The following PTPRT variants were observed in gnomAD, a reference collection of about 807,000 sequenced individuals.
PTPRT encodes protein tyrosine phosphatase receptor type T, also known as receptor-type tyrosine-protein phosphatase T.
Under a neutral mutation model 176.8 loss-of-function variants are expected in PTPRT, and 56 were observed. That is an observed-to-expected ratio of 0.32 (90% CI 0.26 to 0.40). PTPRT has a LOEUF of 0.40. Ranked by LOEUF, PTPRT falls within the 10% of genes least tolerant of loss-of-function variation. The pLI is 1.00. For synonymous variants in PTPRT, 783 were observed against 739.0 expected (o/e 1.06, Z -0.96); for missense variants, 1,540 against 1,908.2 (o/e 0.81, Z 3.60).
chr20:42,763,777 A>C (rs945630302), intron 5 of PTPRT, among the ~76,000 whole-genome samples: 1 of 152,224 alleles, frequency 6.6e-6, no homozygotes, highest in Non-Finnish European at 1.5e-5. Flanking sequence ...AGAAGTAGAC[A>C]TAAATCATTT....
chr20:43,175,126 TCTG>T (rs918149042), intron 1 of PTPRT, among the ~76,000 whole-genome samples: 4 of 152,228 alleles, frequency 2.6e-5, no homozygotes, highest in African/African-American at 9.6e-5. Flanking sequence ...TGAAAGAATC[TCTG>T]CTATTTCTCT....
At chr20:42,954,075 C>A (rs206656) in intron 1 of PTPRT, among the ~76,000 whole-genome samples, 2,303 of 152,132 alleles carry the variant, frequency 0.015, 61 homozygotes, top group African/African-American at 0.052. Flanking sequence ...GGATGGCTGA[C>A]CCTGGTATAG....
intron 7 of PTPRT, among the ~76,000 whole-genome samples, chr20:42,496,639 C>T (rs972511180): frequency 1.1e-4 from 16 of 146,324 alleles, no homozygotes; most frequent in Non-Finnish European, 1.5e-5. Context: ...ACTTTCACCA[C>T]CTTTTTTTTT....
chr20:42,289,791 T>C (rs1435097840), intron 12 of PTPRT, among the ~76,000 whole-genome samples: 2 of 152,078 alleles, frequency 1.3e-5, no homozygotes, highest in African/African-American at 4.8e-5. Context: ...AATGAGCCAT[T>C]TCCTAAAATC....
intron 15 of PTPRT, among the ~76,000 whole-genome samples, chr20:42,231,198 C>T (rs1439516321): frequency 6.6e-6 from 1 of 152,220 alleles, no homozygotes; most frequent in East Asian, 1.9e-4. Context: ...TACAGGCAGA[C>T]AGACTTGCAT....
chr20:42,390,082 G>T (rs771012887), intron 9 of PTPRT, among the ~76,000 whole-genome samples: 2 of 152,056 alleles, frequency 1.3e-5, no homozygotes, highest in African/African-American at 4.8e-5. Flanking sequence ...CCTATGCAAC[G>T]GACTCTAGGA....
At chr20:42,636,957 G>A (rs1429508251) in intron 7 of PTPRT, among the ~76,000 whole-genome samples, 1 of 151,950 alleles carries the variant, frequency 6.6e-6, no homozygotes, top group Non-Finnish European at 1.5e-5. Context: ...TATATATGAT[G>A]AAATATAGCA....
At chr20:42,760,277 C>T (rs1195179247) in intron 5 of PTPRT, among the ~76,000 whole-genome samples, 1 of 152,026 alleles carries the variant, frequency 6.6e-6, no homozygotes, top group Non-Finnish European at 1.5e-5. Context: ...CCACTTGGCA[C>T]TTTCCTGTCT....
intron 1 of PTPRT, among the ~76,000 whole-genome samples, chr20:42,985,168 C>A (rs6103115): frequency 0.012 from 1,844 of 152,126 alleles, 41 homozygotes; most frequent in African/African-American, 0.041. Context: ...AACATTTTTA[C>A]GACTCAGCAA....
chr20:42,310,789 A>G (rs562876969), intron 12 of PTPRT, among the ~76,000 whole-genome samples: 2 of 152,354 alleles, frequency 1.3e-5, no homozygotes, highest in South Asian at 4.1e-4. Context: ...ACAGTGTGCC[A>G]GGACAAATGG....
chr20:43,144,664 G>A (rs1215574922), intron 1 of PTPRT, among the ~76,000 whole-genome samples: 3 of 152,188 alleles, frequency 2.0e-5, no homozygotes, highest in African/African-American at 4.8e-5. Flanking sequence ...TGGGGCTGGA[G>A]GTAGGGTGAT....
chr20:42,492,707 T>G lies in PTPRT; in HGVS notation c.1154-20145A>C, dbSNP rs546970579. On this transcript the variant is annotated intron_variant, in intron 7 of 30. Transcript: ENST00000373187. Reference sequence around the variant, plus strand: ...TCATGAGATTTTTAAATCTGTCCTTTGGTTATTAATTTCTAAGTTTATTGC... The same window carrying G: ...TCATGAGATTTTTAAATCTGTCCTTGGGTTATTAATTTCTAAGTTTATTGC... 2.0e-5 allele frequency among the ~76,000 whole-genome samples: 3 copies of G among 152,304 alleles called. No individual in the cohort carries two copies. The East Asian group carries it at 5.8e-4, about 29-fold the overall frequency.
At chr20:42,354,871 G>A (rs1019172706) in intron 9 of PTPRT, among the ~76,000 whole-genome samples, 10 of 152,140 alleles carry the variant, frequency 6.6e-5, no homozygotes, top group East Asian at 5.8e-4. Flanking sequence ...GAGGTCAGAC[G>A]GTGCCCAGAG....
At chr20:42,794,080 C>T (rs1419643440) in intron 2 of PTPRT, among the ~76,000 whole-genome samples, 1 of 152,184 alleles carries the variant, frequency 6.6e-6, no homozygotes, top group Non-Finnish European at 1.5e-5. Flanking sequence ...CCACTTCTTT[C>T]CATCCTAGCT....
At chr20:42,581,971 C>G (rs2073381084) in intron 7 of PTPRT, among the ~76,000 whole-genome samples, 1 of 152,172 alleles carries the variant, frequency 6.6e-6, no homozygotes, top group African/African-American at 2.4e-5. Flanking sequence ...CACAGGGAAA[C>G]AAATCGGCAC....
intron 2 of PTPRT, among the ~76,000 whole-genome samples, chr20:42,804,675 G>T (rs1027345553): frequency 1.3e-5 from 2 of 152,202 alleles, no homozygotes; most frequent in Admixed American, 6.5e-5. Flanking sequence ...GTGTCAGCAG[G>T]GTTGGTTCTT....
intron 7 of PTPRT, among the ~76,000 whole-genome samples, chr20:42,511,853 A>ACAG (rs2071964218): frequency 6.6e-6 from 1 of 152,060 alleles, no homozygotes; most frequent in Admixed American, 6.6e-5. Flanking sequence ...CCTACCAATG[A>ACAG]CAGCAAAGCA....
chr20:42,123,491 C>T (rs866655617), intron 19 of PTPRT, among the ~76,000 whole-genome samples: 5 of 152,240 alleles, frequency 3.3e-5, no homozygotes, highest in Non-Finnish European at 4.4e-5. Flanking sequence ...TGTGGAGTAC[C>T]CATGGGAATT....
intron 19 of PTPRT, among the ~76,000 whole-genome samples, chr20:42,122,568 A>G (rs553850606): frequency 6.6e-6 from 1 of 152,132 alleles, no homozygotes; most frequent in Non-Finnish European, 1.5e-5. Context: ...TAGATCCTGG[A>G]AAGATGCAGT....
Sources: allele counts gnomAD v4.1 joint callset (sites outside exome capture counted in the v4.1 genomes callset), GRCh38; gene constraint gnomAD v4.1.1; transcripts MANE v1.5; gene names NCBI Gene and HGNC (gene_info 2026-07-23, HGNC 2026-07-21).